AURKA: variants seen among roughly 807,000 people sequenced by gnomAD.
AURKA encodes the protein aurora 2.
AURKA carries 12 observed loss-of-function variants against 40.9 expected under a neutral mutation model. The observed-to-expected ratio is 0.29, with a 90% CI of 0.19 to 0.48. AURKA has a LOEUF of 0.48. AURKA is among the 20% of genes least tolerant of loss of function. The pLI is 0.99. For missense variants in AURKA, 322 were observed against 462.1 expected (o/e 0.70, Z 2.78); for synonymous variants, 170 against 164.3 (o/e 1.03, Z -0.26).
intron 3 of AURKA, among the ~76,000 whole-genome samples, chr20:56,385,001 T>C (rs1986179388): frequency 6.6e-6 from 1 of 152,164 alleles, no homozygotes. Context: ...CAGATGCCCC[T>C]GTCACATGTG....
chr20:56,385,981 A>G (rs2146202560), intron 3 of AURKA, among the ~76,000 whole-genome samples: 1 of 152,306 alleles, frequency 6.6e-6, no homozygotes, highest in Middle Eastern at 3.4e-3. Context: ...CCCTACATCC[A>G]GACTCAGTAA....
At chr20:56,384,686 T>C (rs770805042) in intron 3 of AURKA, among the ~76,000 whole-genome samples, 14 of 152,108 alleles carry the variant, frequency 9.2e-5, no homozygotes, top group Non-Finnish European at 1.6e-4. Flanking sequence ...CTCGTCACCT[T>C]TTTCCCCTTA....
At chr20:56,383,275 C>T (rs1445761406) in intron 4 of AURKA, 99 bp from the exon 5 acceptor site, 12 of 1,300,766 alleles carry the variant, frequency 9.2e-6, no homozygotes, top group Non-Finnish European at 1.3e-5. Flanking sequence ...ATTTCGTATT[C>T]CAACTTCACT....
intron 3 of AURKA, among the ~76,000 whole-genome samples, chr20:56,385,284 T>G (rs1231123322): frequency 6.6e-6 from 1 of 152,142 alleles, no homozygotes; most frequent in Non-Finnish European, 1.5e-5. Flanking sequence ...ATGACGTGGA[T>G]GAAGCACGCA....
At chr20:56,389,216 C>T (rs572378674) in intron 1 of AURKA, among the ~76,000 whole-genome samples, 1 of 150,790 alleles carries the variant, frequency 6.6e-6, no homozygotes, top group African/African-American at 2.4e-5. Context: ...GTCCCTGGAC[C>T]CTCCACTTCT....
chr20:56,370,841 C>T (rs1218925923), intron 7 of AURKA, among the ~76,000 whole-genome samples, 182 bp from the exon 8 acceptor site: 1 of 152,166 alleles, frequency 6.6e-6, no homozygotes, highest in Non-Finnish European at 1.5e-5. Flanking sequence ...TGTAAGGTCA[C>T]ACAGCTAGCC....
rs565251173 is a variant in AURKA, at chr20:56,386,184, A to C, written c.319+73T>G. On this transcript the variant is annotated intron_variant, in intron 3 of 8. Transcript: ENST00000395915. ...AGCTAAGGCTCCAAACAATAAGTGC[A>C]AGTATATACACTGGCTTTTTTAGCA... 423 of 1,574,258 alleles carry C rather than the reference A, an allele frequency of 2.7e-4. 2 individuals carry two copies. In the African/African-American group the frequency reaches 5.1e-3, roughly 19 times the overall value.
At chr20:56,381,266 G>A (rs116023813) in intron 6 of AURKA, among the ~76,000 whole-genome samples, 167 bp downstream of exon 6, 70 of 152,250 alleles carry the variant, frequency 4.6e-4, no homozygotes, top group African/African-American at 1.6e-3. Context: ...GACTTTATCT[G>A]TACATATGGT....
rs772264070 is a variant in AURKA at position 56,370,668 on chromosome 20, G to A, written c.855-9C>T. On this transcript the variant is annotated splice_polypyrimidine_tract_variant and intron_variant, in intron 7 of 8. Coordinates refer to ENST00000395915, the MANE Select transcript of AURKA (RefSeq NM_198437.3). ...CACAGAGAGTGGTCCTCCTGAAAAC[G>A]GAGGGAGGCTCAGGTTGATGTGCTT... The A allele has an allele frequency of 4.6e-5, 75 of 1,613,956 alleles. No individual in the cohort carries two copies. Among genetic ancestry groups the A allele is most frequent in the African/African-American group, 1.5e-4 (11 of 74,904 alleles).
At chr20:56,375,079 A>G (rs962706814) in intron 6 of AURKA, among the ~76,000 whole-genome samples, 1 of 152,094 alleles carries the variant, frequency 6.6e-6, no homozygotes, top group Non-Finnish European at 1.5e-5. Flanking sequence ...AAAGTTTTAC[A>G]GTCCCTATCG....
Position 56,373,703 on chromosome 20 carries a change from C to A in AURKA, c.706-147G>T. On this transcript the variant is annotated intron_variant, in intron 6 of 8. Transcript: ENST00000395915. This position sits in a 1 kb window ranked among gnomAD's most constrained non-coding sequence, Gnocchi z 5.0. The stretch of plus-strand genomic sequence containing the variant: ...CAGTGGCTCACACCTATAATCCCAA[C>A]ACTTTGGGGGACTGAGGTGGGAGGA... 1 of 902,716 alleles carries A rather than the reference C, an allele frequency of 1.1e-6. No individual in the cohort carries two copies. The highest frequency in any genetic ancestry group is 1.6e-5 in the South Asian group (1 of 63,142). 55.9% of individuals were successfully genotyped at this position (902,716 alleles called of 1,614,324 possible).
chr20:56,388,074 T>G, intron 2 of AURKA, 82 bp downstream of exon 2: 1 of 79,672 alleles, frequency 1.3e-5, no homozygotes. Flanking sequence ...AAATCCAAAG[T>G]AAAGGCGGAA....
At chr20:56,372,551 A>C (rs1438155534) in intron 7 of AURKA, among the ~76,000 whole-genome samples, 1 of 151,970 alleles carries the variant, frequency 6.6e-6, no homozygotes, top group East Asian at 1.9e-4. Context: ...AAAAAAAAAA[A>C]AAAGACTGCA....
chr20:56,370,280 A>G lies in AURKA; in HGVS notation c.1090T>C (p.Leu364=), dbSNP rs745510156. The G allele has an allele frequency of 3.7e-6, 6 of 1,614,102 alleles. No individual in the cohort carries two copies. The highest frequency in any genetic ancestry group is 5.1e-6 in the Non-Finnish European group (6 of 1,180,048). The part of the protein sequence containing the change: ...EGARDLISRL[L]KHNPSQRPML... ...GGCCTCTGGCTGGGATTATGCTTCA[A>G]CAGTCTTGAAATGAGGTCCCTGGCT... The change falls in exon 9 of 9, where the codon TTG becomes CTG. Residue 364 remains leucine (L), a synonymous_variant. Coordinates refer to ENST00000395915, the MANE Select transcript of AURKA (RefSeq NM_198437.3).
rs1475368671 is a variant in AURKA, at chr20:56,369,549, C to A, written c.*609G>T. 8.3e-6 allele frequency: 2 copies of A among 242,028 alleles called. No individual in the cohort carries two copies. Among genetic ancestry groups the A allele is most frequent in the African/African-American group, 2.2e-5 (1 of 45,426 alleles). The allele number at this position is 242,028 out of a possible 1,614,324, so 15.0% of individuals were successfully genotyped here. On this transcript the variant is annotated 3_prime_UTR_variant, in exon 9 of 9. Transcript: ENST00000395915. ...GTAGAGCACGTGTTCCTATTTTTCA[C>A]ACTCTCATATGGGAGATAAGTGGTT...
chr20:56,371,463 A>G (rs1984212471), intron 7 of AURKA, among the ~76,000 whole-genome samples: 1 of 151,734 alleles, frequency 6.6e-6, no homozygotes, highest in African/African-American at 2.4e-5. Flanking sequence ...TCTGTCTCAA[A>G]AAAAAAAAAA....
In AURKA at chr20:56,373,265, C is replaced by CTAAAT; in HGVS notation, c.854+138_854+142dup. ...TGCAAACCCTAGTTTATTATTAAGC[C>CTAAAT]TAAATTACTCCAAAGTACTTCTGGG... On this transcript the variant is annotated intron_variant, in intron 7 of 8. Transcript: ENST00000395915. The surrounding 1 kb of genome is among the most constrained non-coding windows in gnomAD (Gnocchi z 5.0). 1 of 1,105,954 alleles carries CTAAAT rather than the reference C, an allele frequency of 9.0e-7. No homozygotes were observed. The highest frequency in any genetic ancestry group is 1.4e-6 in the Non-Finnish European group (1 of 737,426). The allele number at this position is 1,105,954 out of a possible 1,614,324, so 68.5% of individuals were successfully genotyped here. A position where few individuals can be genotyped will look rare whatever the true frequency, so the allele number is the denominator to read the frequency against.
intron 3 of AURKA, 129 bp from the exon 4 acceptor site, chr20:56,384,453 T>G: frequency 1.4e-6 from 1 of 736,146 alleles, no homozygotes; most frequent in South Asian, 1.7e-5. Flanking sequence ...AAATCTGTTT[T>G]TTTTTTTTAA....
intron 6 of AURKA, among the ~76,000 whole-genome samples, chr20:56,375,170 C>T (rs1321996728): frequency 1.3e-5 from 2 of 152,106 alleles, no homozygotes; most frequent in Admixed American, 1.3e-4. Flanking sequence ...TGTCACCCAG[C>T]CTGGATTGCT....
Sources: gnomAD v4.1 joint callset for allele counts (sites outside exome capture counted in the v4.1 genomes callset) on GRCh38, gnomAD v4.1.1 for gene constraint, Gnocchi (gnomAD v3.1) non-coding constraint, MANE v1.5 for transcripts, NCBI Gene and HGNC (gene_info 2026-07-23, HGNC 2026-07-21) for gene names.